Variants in CDH18 observed in about 807,000 individuals in gnomAD.
CDH18 encodes the protein cadherin-18.
In CDH18, 31 loss-of-function variants were observed where a neutral mutation model predicts 67.9. The observed-to-expected ratio is 0.46, with a 90% CI of 0.34 to 0.62. The LOEUF is 0.62. Ranked by LOEUF, CDH18 falls within the 20% of genes least tolerant of loss-of-function variation. The pLI, the probability that CDH18 is intolerant of heterozygous loss-of-function variation, is 0.01. For synonymous variants in CDH18, 362 were observed against 347.2 expected (o/e 1.04, Z -0.48); for missense variants, 890 against 975.5 (o/e 0.91, Z 1.17).
At chr5:19,712,796 G>A (rs1764872722) in intron 5 of CDH18, among the ~76,000 whole-genome samples, 1 of 151,368 alleles carries the variant, frequency 6.6e-6, no homozygotes, top group African/African-American at 2.4e-5. Flanking sequence ...ATATTCTAGT[G>A]CTTTCTAGAT....
chr5:20,524,583 T>C (rs1755933155), intron 1 of CDH18, among the ~76,000 whole-genome samples: 1 of 152,188 alleles, frequency 6.6e-6, no homozygotes, highest in Admixed American at 6.5e-5. Flanking sequence ...TCACATTTTA[T>C]ATATGTAGGT....
At chr5:20,187,200 G>A (rs79799529) in intron 2 of CDH18, among the ~76,000 whole-genome samples, 1 of 151,810 alleles carries the variant, frequency 6.6e-6, no homozygotes, top group Non-Finnish European at 1.5e-5. Context: ...ATGAGTTCTG[G>A]TGATGGAGAT....
intron 2 of CDH18, among the ~76,000 whole-genome samples, chr5:20,191,332 G>T (rs955655399): frequency 1.3e-5 from 2 of 151,908 alleles, no homozygotes; most frequent in African/African-American, 2.4e-5. Context: ...TTCAGCTGGG[G>T]TTTTGACTAC....
At chr5:20,123,286 C>G (rs950983851) in intron 2 of CDH18, among the ~76,000 whole-genome samples, 1 of 152,110 alleles carries the variant, frequency 6.6e-6, no homozygotes, top group African/African-American at 2.4e-5. Context: ...GGGAATTTAA[C>G]TGACCCATAG....
chr5:19,658,461 A>C (rs1756710403), intron 5 of CDH18, among the ~76,000 whole-genome samples: 2 of 152,078 alleles, frequency 1.3e-5, no homozygotes. Flanking sequence ...ACAGTATTCT[A>C]TTTCCAATAC....
chr5:19,834,025 G>A (rs562967148), intron 3 of CDH18, among the ~76,000 whole-genome samples: 4 of 152,074 alleles, frequency 2.6e-5, no homozygotes, highest in African/African-American at 4.8e-5. Flanking sequence ...GGATGATGCC[G>A]GCTTCATAAA....
intron 2 of CDH18, among the ~76,000 whole-genome samples, chr5:19,994,541 A>G (rs1735729742): frequency 6.7e-6 from 1 of 149,450 alleles, no homozygotes; most frequent in Admixed American, 6.7e-5. Flanking sequence ...AATTGAAACT[A>G]CTCAGTAAAA....
chr5:20,141,788 TGAA>T (rs1483281668), intron 2 of CDH18, among the ~76,000 whole-genome samples: 4 of 151,992 alleles, frequency 2.6e-5, no homozygotes, highest in African/African-American at 7.2e-5. Flanking sequence ...GGCAGTGAAT[TGAA>T]GGAGGAGGAA....
At chr5:20,372,507 AAG>A (rs1172288810) in intron 1 of CDH18, among the ~76,000 whole-genome samples, 2 of 152,186 alleles carry the variant, frequency 1.3e-5, no homozygotes, top group Non-Finnish European at 1.5e-5. Flanking sequence ...AAGTGGTAGA[AAG>A]AGATTAAAAA....
intron 2 of CDH18, among the ~76,000 whole-genome samples, chr5:20,202,312 T>G (rs2126306019): frequency 6.6e-6 from 1 of 152,272 alleles, no homozygotes; most frequent in South Asian, 2.1e-4. Context: ...TTCTTTTGTT[T>G]TTGCTTAGGG....
At chr5:20,225,815 T>C (rs1258047006) in intron 2 of CDH18, among the ~76,000 whole-genome samples, 1 of 152,108 alleles carries the variant, frequency 6.6e-6, no homozygotes, top group Non-Finnish European at 1.5e-5. Flanking sequence ...AGGAGAAGGG[T>C]ACTTAGATGT....
At chr5:19,962,814 AT>A (rs1797057834) in intron 2 of CDH18, among the ~76,000 whole-genome samples, 1 of 152,078 alleles carries the variant, frequency 6.6e-6, no homozygotes. Context: ...ATTCTGTGGA[AT>A]ACTTAAGTCT....
intron 2 of CDH18, among the ~76,000 whole-genome samples, chr5:19,943,005 A>T (rs903090214): frequency 4.6e-5 from 7 of 152,162 alleles, no homozygotes; most frequent in Admixed American, 3.3e-4. Flanking sequence ...GCCTCATGAC[A>T]GCATGATGCC....
chr5:19,984,621 T>C (rs1799384512), intron 1 of CDH18, among the ~76,000 whole-genome samples: 2 of 152,226 alleles, frequency 1.3e-5, no homozygotes, highest in African/African-American at 4.8e-5. Context: ...ACACTGAATC[T>C]ATGATAATTT....
At chr5:20,010,605 T>C (rs967842805) in intron 2 of CDH18, among the ~76,000 whole-genome samples, 1 of 152,168 alleles carries the variant, frequency 6.6e-6, no homozygotes, top group Non-Finnish European at 1.5e-5. Flanking sequence ...CCAATGAGCA[T>C]TTTCTAATCT....
chr5:19,792,490 G>A (rs769932140), intron 3 of CDH18, among the ~76,000 whole-genome samples: 3 of 152,096 alleles, frequency 2.0e-5, no homozygotes, highest in Non-Finnish European at 4.4e-5. Context: ...GACAGCACAT[G>A]GTAGGACTGC....
chr5:19,550,892 T>A (rs1414427137), intron 8 of CDH18, among the ~76,000 whole-genome samples: 5 of 152,198 alleles, frequency 3.3e-5, no homozygotes, highest in African/African-American at 9.6e-5. Flanking sequence ...AGTGTAAAAG[T>A]GTTCCTGTTT....
intron 1 of CDH18, among the ~76,000 whole-genome samples, chr5:19,984,208 T>A (rs1579946742): frequency 1.3e-5 from 2 of 152,098 alleles, no homozygotes; most frequent in East Asian, 3.9e-4. Context: ...TATCACTATA[T>A]CTTTCTAAAA....
chr5:19,806,050 G>A (rs985272406), intron 3 of CDH18, among the ~76,000 whole-genome samples: 2 of 152,116 alleles, frequency 1.3e-5, no homozygotes, highest in Admixed American at 6.6e-5. Flanking sequence ...TGCTCCAACC[G>A]TTACCCCTGT....
Sources: gnomAD v4.1 joint callset for allele counts (sites outside exome capture counted in the v4.1 genomes callset) on GRCh38, gnomAD v4.1.1 for gene constraint, MANE v1.5 for transcripts, NCBI Gene and HGNC (gene_info 2026-07-23, HGNC 2026-07-21) for gene names.